TRIP4: variants seen among roughly 807,000 people sequenced by gnomAD.
TRIP4 encodes activating signal cointegrator 1.
Under a neutral mutation model 81.8 loss-of-function variants are expected in TRIP4, and 54 were observed. That is an observed-to-expected ratio of 0.66 (90% confidence interval 0.53 to 0.83). The LOEUF (loss-of-function observed/expected upper bound fraction) is 0.83, where lower values mean the gene tolerates loss of function less well. TRIP4 is among the 40% of genes least tolerant of loss of function. TRIP4 has a pLI of 0.00. For synonymous variants in TRIP4, 270 were observed against 242.8 expected (o/e 1.11, Z -1.04); for missense variants, 662 against 683.6 (o/e 0.97, Z 0.35).
chr15:64,393,154 T>TC (rs978938499), intron 1 of TRIP4, among the ~76,000 whole-genome samples: 4 of 147,636 alleles, frequency 2.7e-5, no homozygotes, highest in African/African-American at 9.9e-5. Flanking sequence ...TATGTTAATT[T>TC]TTTTTTTTTT....
intron 9 of TRIP4, among the ~76,000 whole-genome samples, chr15:64,422,398 T>C (rs1192064894): frequency 1.3e-5 from 2 of 152,220 alleles, no homozygotes; most frequent in Non-Finnish European, 1.5e-5. Context: ...ATTTCTACTT[T>C]GGTAGTTTCA....
intron 5 of TRIP4, among the ~76,000 whole-genome samples, chr15:64,404,159 C>T (rs752060575): frequency 5.3e-5 from 8 of 151,334 alleles, no homozygotes; most frequent in Non-Finnish European, 1.2e-4. Flanking sequence ...CATTGCACTC[C>T]AGCCTGGGCA....
chr15:64,388,762 C>G (rs978865907), intron 1 of TRIP4, among the ~76,000 whole-genome samples: 1 of 152,126 alleles, frequency 6.6e-6, no homozygotes, highest in Non-Finnish European at 1.5e-5. Context: ...ATTCTGTTGT[C>G]GTTTACCTGT....
At position 64,394,063 on chromosome 15, in the gene TRIP4, G is replaced by C; in HGVS notation, c.219G>C (p.Lys73Asn). The change falls in exon 2 of 13, where the codon AAG (lysine) becomes AAC (asparagine). Residue 73 changes from lysine to asparagine, a missense_variant. Transcript: ENST00000261884. ...FIEELITKWQ[K>N]NDQELISDPL... ...AAGAACTTATAACCAAATGGCAAAA[G>C]AATGATCAGGAGTTGATTTCGGATC... 2.5e-6 allele frequency: 4 copies of C among 1,609,936 alleles called. No homozygotes were observed. Among genetic ancestry groups the C allele is most frequent in the Non-Finnish European group, 3.4e-6 (4 of 1,178,104 alleles).
At chr15:64,433,591 G>A (rs767810448) in intron 11 of TRIP4, among the ~76,000 whole-genome samples, 4 of 152,074 alleles carry the variant, frequency 2.6e-5, no homozygotes, top group Non-Finnish European at 5.9e-5. Context: ...GCAACAGTGC[G>A]AGACTCCATC....
intron 1 of TRIP4, among the ~76,000 whole-genome samples, chr15:64,391,518 A>G (rs943297979): frequency 6.6e-6 from 1 of 152,176 alleles, no homozygotes; most frequent in Non-Finnish European, 1.5e-5. Context: ...TTAACAAAAT[A>G]AACTTTGGTC....
At chr15:64,436,210 C>T (rs566768355) in intron 11 of TRIP4, among the ~76,000 whole-genome samples, 1 of 150,830 alleles carries the variant, frequency 6.6e-6, no homozygotes, top group Admixed American at 6.6e-5. Context: ...CAGGAGAATC[C>T]CTTGAATCCA....
chr15:64,425,717 C>T (rs1334821394), intron 11 of TRIP4, 86 bp downstream of exon 11: 3 of 1,057,666 alleles, frequency 2.8e-6, no homozygotes, highest in African/African-American at 3.2e-5. Context: ...AGAGGCTGGG[C>T]CTCTTAAAAG....
chr15:64,397,495 G>T, intron 3 of TRIP4, 111 bp from the exon 4 acceptor site: 1 of 1,002,216 alleles, frequency 1.0e-6, no homozygotes, highest in Non-Finnish European at 1.4e-6. Context: ...CTTCTTTCTT[G>T]GTTCTTGGAT....
intron 4 of TRIP4, among the ~76,000 whole-genome samples, chr15:64,398,725 A>G (rs1295227981): frequency 1.3e-5 from 2 of 152,102 alleles, no homozygotes; most frequent in Admixed American, 1.3e-4. Context: ...CCAGGATTCC[A>G]CCTTGTCATA....
chr15:64,388,069 A>G, intron 1 of TRIP4, 105 bp downstream of exon 1: 2 of 1,427,778 alleles, frequency 1.4e-6, no homozygotes. Context: ...AAATGTGATA[A>G]AGGGGCTGCA....
chr15:64,417,493 A>G (rs532040522), intron 8 of TRIP4, among the ~76,000 whole-genome samples: 1 of 152,110 alleles, frequency 6.6e-6, no homozygotes, highest in Non-Finnish European at 1.5e-5. Flanking sequence ...AAATATCATC[A>G]TGCTAATTGC....
At chr15:64,448,014 ATC>A (rs1482312938) in intron 12 of TRIP4, among the ~76,000 whole-genome samples, 1 of 152,010 alleles carries the variant, frequency 6.6e-6, no homozygotes, top group Non-Finnish European at 1.5e-5. Flanking sequence ...TAGGATTTAG[ATC>A]TCCTTTTACC....
rs554346939 is a variant in TRIP4, at chr15:64,409,996, C to T, written c.1043+168C>T. On this transcript the variant is annotated intron_variant, in intron 7 of 12. Coordinates refer to ENST00000261884, the MANE Select transcript of TRIP4 (RefSeq NM_016213.5). ...AAAAATGTTTAAATGAGCACTCCTA[C>T]CAGATAATTACTGATTTTTGTGGTT... is the stretch of plus-strand genomic sequence containing the variant. 6.6e-5 allele frequency among the ~76,000 whole-genome samples: 10 copies of T among 150,638 alleles called. No homozygotes were observed. The East Asian group carries it at 9.7e-4, about 15-fold the overall frequency.
At chr15:64,426,796 C>G (rs1189533623) in intron 11 of TRIP4, among the ~76,000 whole-genome samples, 1 of 150,868 alleles carries the variant, frequency 6.6e-6, no homozygotes, top group African/African-American at 2.4e-5. Context: ...GTCAGGAGAT[C>G]AAGACTATCC....
intron 4 of TRIP4, among the ~76,000 whole-genome samples, chr15:64,399,327 T>TA (rs1028506196): frequency 6.6e-6 from 1 of 152,010 alleles, no homozygotes; most frequent in Non-Finnish European, 1.5e-5. Flanking sequence ...TGTCTACCAA[T>TA]AAAAATGTCC....
At position 64,418,560 on chromosome 15, in the gene TRIP4, C is replaced by T. The variant is rs1302149982; in HGVS notation, c.1190C>T (p.Ala397Val). The T allele has an allele frequency of 6.2e-7, 1 of 1,612,512 alleles. No homozygotes were observed. Among genetic ancestry groups the T allele is most frequent in the Admixed American group, 1.7e-5 (1 of 59,966 alleles). The change falls in exon 9 of 13, where the codon GCA (alanine) becomes GTA (valine). Residue 397 changes from alanine (A) to valine (V), a missense_variant. Transcript: ENST00000261884. ...GTGTAGTGGGTTGACCACACAGGTG[C>T]AGCCTCACAGAAGAAGGCTTTCCGT... is the stretch of plus-strand genomic sequence containing the variant. ...SPPQWVDHTG[A>V]ASQKKAFRSS... is the part of the protein sequence containing the mutation.
intron 12 of TRIP4, among the ~76,000 whole-genome samples, chr15:64,454,417 T>C (rs1892840383): frequency 6.6e-6 from 1 of 152,162 alleles, no homozygotes; most frequent in Non-Finnish European, 1.5e-5. Context: ...GGTTGCTTGT[T>C]TTCTAAGTTT....
chr15:64,433,385 A>AG (rs902297432), intron 11 of TRIP4, among the ~76,000 whole-genome samples: 1 of 152,036 alleles, frequency 6.6e-6, no homozygotes, highest in African/African-American at 2.4e-5. Flanking sequence ...TGTAATGTCC[A>AG]GGGTGAGGAG....
Sources: allele counts gnomAD v4.1 joint callset (sites outside exome capture counted in the v4.1 genomes callset), GRCh38; gene constraint gnomAD v4.1.1; transcripts MANE v1.5; gene names NCBI Gene and HGNC (gene_info 2026-07-23, HGNC 2026-07-21).